XKR6: variants seen among roughly 807,000 people sequenced by gnomAD.
XKR6 encodes XK-related protein 6.
Under a neutral mutation model 56.7 loss-of-function variants are expected in XKR6, and 22 were observed. The ratio of observed to expected loss-of-function variants is 0.39; its 90% CI spans 0.28 to 0.55. XKR6 has a LOEUF of 0.55. Ranked by LOEUF, XKR6 falls within the 20% of genes least tolerant of loss-of-function variation. The pLI is 0.66. For missense variants in XKR6, 852 were observed against 889.0 expected, an observed-to-expected ratio of 0.96 and a Z score of 0.53; for synonymous variants, 524 against 387.8, an observed-to-expected ratio of 1.35 and a Z score of -4.13.
intron 1 of XKR6, among the ~76,000 whole-genome samples, chr8:11,004,232 G>C (rs796602802): frequency 6.6e-6 from 1 of 152,174 alleles, no homozygotes; most frequent in African/African-American, 2.4e-5. Flanking sequence ...CCAGCACTTT[G>C]GGAGGCTGAG....
In XKR6 at chr8:10,898,980, G is replaced by A. The variant is rs1453998279; in HGVS notation, c.962-64C>T. On this transcript the variant is annotated intron_variant, in intron 2 of 2. Coordinates refer to ENST00000416569, the MANE Select transcript of XKR6 (RefSeq NM_173683.4). This position sits in a 1 kb window ranked among gnomAD's most constrained non-coding sequence, Gnocchi z 6.6. Reference sequence around the variant, plus strand: ...GACATCAACCGCAGGGCACAGTGAAGCTGCCGGCTGAGGAGACGCCCACAT... The same window carrying A: ...GACATCAACCGCAGGGCACAGTGAAACTGCCGGCTGAGGAGACGCCCACAT... 13 of 1,518,818 alleles carry A rather than the reference G, an allele frequency of 8.6e-6. No individual in the cohort carries two copies. Among genetic ancestry groups the A allele is most frequent in the African/African-American group, 1.4e-5 (1 of 72,070 alleles). 94.1% of individuals were successfully genotyped at this position (1,518,818 alleles called of 1,614,324 possible). A position where few individuals can be genotyped will look rare whatever the true frequency, so the allele number is the denominator to read the frequency against.
intron 1 of XKR6, among the ~76,000 whole-genome samples, chr8:11,182,722 C>G (rs868622732): frequency 2.6e-4 from 39 of 152,152 alleles, no homozygotes; most frequent in African/African-American, 6.5e-4. Flanking sequence ...TTAATTGTGG[C>G]AAAGTATATA....
chr8:11,063,958 G>C (rs772555944), intron 1 of XKR6, among the ~76,000 whole-genome samples: 3 of 152,068 alleles, frequency 2.0e-5, no homozygotes, highest in East Asian at 3.8e-4. Context: ...ACTTGCCATC[G>C]GGTCTGACAA....
chr8:11,163,931 G>C (rs544637103), intron 1 of XKR6, among the ~76,000 whole-genome samples: 7 of 152,244 alleles, frequency 4.6e-5, no homozygotes, highest in Admixed American at 1.3e-4. Flanking sequence ...GCCAAAAGTA[G>C]AGAGAGACAT....
chr8:11,173,893 C>T (rs952436176), intron 1 of XKR6, among the ~76,000 whole-genome samples: 11 of 152,178 alleles, frequency 7.2e-5, no homozygotes, highest in East Asian at 1.9e-4. Context: ...AGTTATTAGA[C>T]GGGACACAGT....
At chr8:11,069,977 C>T (rs1022024243) in intron 1 of XKR6, among the ~76,000 whole-genome samples, 3 of 152,160 alleles carry the variant, frequency 2.0e-5, no homozygotes, top group Admixed American at 6.5e-5. Context: ...TCATGACTTC[C>T]GCCCTTCTGC....
chr8:10,920,697 G>C lies in XKR6; in HGVS notation c.961+3937C>G, dbSNP rs191443765. 3.6e-3 allele frequency among the ~76,000 whole-genome samples: 546 copies of C among 152,378 alleles called. 2 individuals carry two copies. Among genetic ancestry groups the C allele is most frequent in the Admixed American group, 7.7e-3 (118 of 15,306 alleles). On this transcript the variant is annotated intron_variant, in intron 2 of 2. Coordinates refer to ENST00000416569, the MANE Select transcript of XKR6 (RefSeq NM_173683.4). ...GGACACGACTCTAGAAGTTAAGTAAGAGAGAAATGCCAAGCCCCTTACAGG... is the reference window on the plus strand; with the variant it reads ...GGACACGACTCTAGAAGTTAAGTAACAGAGAAATGCCAAGCCCCTTACAGG...
chr8:11,041,384 C>T (rs537832954), intron 1 of XKR6, among the ~76,000 whole-genome samples: 5 of 152,084 alleles, frequency 3.3e-5, no homozygotes, highest in African/African-American at 9.6e-5. Flanking sequence ...GGTGAAACCC[C>T]GTCTCTACTA....
At chr8:11,038,429 G>A (rs1799200157) in intron 1 of XKR6, among the ~76,000 whole-genome samples, 1 of 151,694 alleles carries the variant, frequency 6.6e-6, no homozygotes, top group African/African-American at 2.4e-5. Flanking sequence ...GTGTGGAGAG[G>A]CACGAATAAA....
At chr8:11,167,563 C>T (rs528171761) in intron 1 of XKR6, among the ~76,000 whole-genome samples, 26 of 152,036 alleles carry the variant, frequency 1.7e-4, no homozygotes, top group Non-Finnish European at 2.2e-4. Flanking sequence ...GAAGAAAAGA[C>T]GTGAAGAAAG....
At chr8:11,058,296 CCATTTGACCCAGCAATCCCA>C (rs1471810555) in intron 1 of XKR6, among the ~76,000 whole-genome samples, 1 of 152,114 alleles carries the variant, frequency 6.6e-6, no homozygotes, top group Non-Finnish European at 1.5e-5. Flanking sequence ...ACCAGAAATG[CCATTTGACCCAGCAATCCCA>C]TTACTGGGTA....
At chr8:11,154,138 G>A (rs1296069281) in intron 1 of XKR6, among the ~76,000 whole-genome samples, 1 of 152,146 alleles carries the variant, frequency 6.6e-6, no homozygotes, top group Non-Finnish European at 1.5e-5. Context: ...GGTGGGGGTT[G>A]GCCACACTGG....
intron 1 of XKR6, among the ~76,000 whole-genome samples, chr8:11,042,580 T>C (rs1799312611): frequency 6.6e-6 from 1 of 152,240 alleles, no homozygotes; most frequent in Admixed American, 6.5e-5. Flanking sequence ...CCATTAAACC[T>C]CTTTTTCTTT....
At chr8:11,077,333 T>C (rs1197250359) in intron 1 of XKR6, among the ~76,000 whole-genome samples, 1 of 152,140 alleles carries the variant, frequency 6.6e-6, no homozygotes, top group Admixed American at 6.5e-5. Context: ...CCAGAAAGTG[T>C]GGACACTCAT....
intron 1 of XKR6, among the ~76,000 whole-genome samples, chr8:11,198,712 G>C (rs561712350): frequency 9.8e-4 from 149 of 152,290 alleles, no homozygotes; most frequent in African/African-American, 3.5e-3. Flanking sequence ...GTCCAGGACA[G>C]ATTCCATTAG....
At chr8:10,952,883 C>T (rs1801768286) in intron 1 of XKR6, among the ~76,000 whole-genome samples, 2 of 152,170 alleles carry the variant, frequency 1.3e-5, no homozygotes, top group African/African-American at 4.8e-5. Flanking sequence ...GGAAGCATTA[C>T]CACCTGAGCT....
chr8:11,151,059 A>G (rs142350062), intron 1 of XKR6, among the ~76,000 whole-genome samples: 1,988 of 152,246 alleles, frequency 0.013, 15 homozygotes, highest in Middle Eastern at 0.02. Flanking sequence ...TATGCTTCAT[A>G]TAAGACTCTT....
At chr8:11,120,546 C>T (rs948647029) in intron 1 of XKR6, among the ~76,000 whole-genome samples, 13 of 152,074 alleles carry the variant, frequency 8.5e-5, no homozygotes, top group African/African-American at 2.9e-4. Context: ...AGGATACAAA[C>T]AAATGGAAGA....
intron 1 of XKR6, among the ~76,000 whole-genome samples, chr8:11,111,105 C>T (rs986324241): frequency 3.3e-5 from 5 of 150,750 alleles, no homozygotes; most frequent in Admixed American, 2.7e-4. Context: ...CTGCCCGCCT[C>T]GGCCTCCCAA....
Sources: gnomAD v4.1 joint callset for allele counts (sites outside exome capture counted in the v4.1 genomes callset) on GRCh38, gnomAD v4.1.1 for gene constraint, Gnocchi (gnomAD v3.1) non-coding constraint, MANE v1.5 for transcripts, NCBI Gene and HGNC (gene_info 2026-07-23, HGNC 2026-07-21) for gene names.